KCNH8: variants seen among roughly 807,000 people sequenced by gnomAD.
The protein encoded by KCNH8 is voltage-gated delayed rectifier potassium channel KCNH8.
In KCNH8, 70 loss-of-function variants were observed where a neutral mutation model predicts 103.6. The ratio of observed to expected loss-of-function variants is 0.68; its 90% CI spans 0.56 to 0.82. The LOEUF (loss-of-function observed/expected upper bound fraction) is 0.82, where lower values mean the gene tolerates loss of function less well. KCNH8 is among the 40% of genes least tolerant of loss of function. The probability of loss-of-function intolerance (pLI) is 0.00; values close to 1 mark genes in which losing one functional copy is unlikely to be tolerated. For synonymous variants in KCNH8, 498 were observed against 489.4 expected, an observed-to-expected ratio of 1.02 and a Z score of -0.23; for missense variants, 1,217 against 1,329.9, an observed-to-expected ratio of 0.92 and a Z score of 1.32.
intron 11 of KCNH8, among the ~76,000 whole-genome samples, chr3:19,462,456 T>C (rs536484085): frequency 2.6e-3 from 403 of 152,346 alleles, no homozygotes; most frequent in Admixed American, 7.6e-3. Context: ...GAAGTGTCTG[T>C]TCATATTCTT....
At chr3:19,470,840 C>T (rs2067840779) in intron 11 of KCNH8, among the ~76,000 whole-genome samples, 1 of 152,120 alleles carries the variant, frequency 6.6e-6, no homozygotes, top group Non-Finnish European at 1.5e-5. Context: ...AACCCAATCC[C>T]TTATAAAAAA....
intron 5 of KCNH8, 118 bp downstream of exon 5, chr3:19,348,083 G>C (rs1037501799): frequency 2.1e-5 from 27 of 1,283,312 alleles, no homozygotes; most frequent in African/African-American, 3.0e-5. Context: ...TTCAGCCTCT[G>C]TTGCAAATTT....
intron 3 of KCNH8, among the ~76,000 whole-genome samples, chr3:19,327,338 C>T (rs1223818121): frequency 4.6e-5 from 7 of 152,164 alleles, no homozygotes; most frequent in Non-Finnish European, 1.0e-4. Context: ...GTCACCCAGA[C>T]GAGTGCAGTG....
chr3:19,184,593 G>A (rs887201236), intron 1 of KCNH8, among the ~76,000 whole-genome samples: 4 of 151,840 alleles, frequency 2.6e-5, no homozygotes, highest in South Asian at 2.1e-4. Context: ...TTAAAATGGC[G>A]TTAAATAAAG....
chr3:19,299,409 T>G (rs748470880), intron 3 of KCNH8, among the ~76,000 whole-genome samples: 1 of 151,974 alleles, frequency 6.6e-6, no homozygotes, highest in Non-Finnish European at 1.5e-5. Flanking sequence ...GTGGGAGGAT[T>G]GCTTGAGTCT....
At chr3:19,229,560 C>T (rs2063969695) in intron 1 of KCNH8, among the ~76,000 whole-genome samples, 2 of 152,216 alleles carry the variant, frequency 1.3e-5, no homozygotes, top group South Asian at 4.1e-4. Context: ...CACAGGGCAC[C>T]AAGTCCGTAG....
intron 13 of KCNH8, among the ~76,000 whole-genome samples, chr3:19,514,691 A>G (rs1280150566): frequency 6.6e-6 from 1 of 151,754 alleles, no homozygotes; most frequent in Admixed American, 6.6e-5. Flanking sequence ...TGATTTAAAT[A>G]TAATTATTTA....
intron 1 of KCNH8, among the ~76,000 whole-genome samples, chr3:19,153,116 G>A (rs193111197): frequency 1.3e-5 from 2 of 152,182 alleles, no homozygotes; most frequent in Admixed American, 1.3e-4. Flanking sequence ...TCTTGACTTT[G>A]TAGATGAATT....
intron 3 of KCNH8, among the ~76,000 whole-genome samples, chr3:19,289,813 C>T (rs1231321005): frequency 6.6e-6 from 1 of 152,122 alleles, no homozygotes. Context: ...GTGGATGGCA[C>T]TGAATCTATA....
intron 1 of KCNH8, among the ~76,000 whole-genome samples, chr3:19,191,451 T>A (rs2063552542): frequency 6.6e-6 from 1 of 151,892 alleles, no homozygotes; most frequent in African/African-American, 2.4e-5. Context: ...ATTGTGTAAT[T>A]AGCATAGTTC....
chr3:19,465,517 C>T (rs1313442099), intron 11 of KCNH8, among the ~76,000 whole-genome samples: 5 of 152,066 alleles, frequency 3.3e-5, no homozygotes, highest in African/African-American at 1.2e-4. Context: ...CTCATGCCTG[C>T]TAACACAACA....
At chr3:19,353,064 C>T (rs2065827155) in intron 5 of KCNH8, among the ~76,000 whole-genome samples, 1 of 152,034 alleles carries the variant, frequency 6.6e-6, no homozygotes, top group Non-Finnish European at 1.5e-5. Flanking sequence ...CATCTCCAAT[C>T]CCACAGATAT....
chr3:19,425,294 A>T (rs2067011800), intron 7 of KCNH8, among the ~76,000 whole-genome samples: 2 of 152,040 alleles, frequency 1.3e-5, no homozygotes, highest in Non-Finnish European at 2.9e-5. Flanking sequence ...CTCATCCTGT[A>T]CAGTACAGTT....
At chr3:19,196,681 G>T (rs957694812) in intron 1 of KCNH8, among the ~76,000 whole-genome samples, 1 of 151,878 alleles carries the variant, frequency 6.6e-6, no homozygotes, top group Admixed American at 6.6e-5. Flanking sequence ...TCTCCGCCGT[G>T]GAAGAACCCA....
intron 7 of KCNH8, among the ~76,000 whole-genome samples, chr3:19,436,812 A>C (rs2067206405): frequency 6.6e-6 from 1 of 152,182 alleles, no homozygotes; most frequent in South Asian, 2.1e-4. Flanking sequence ...TTATTAAGGA[A>C]AGTAAATGAT....
chr3:19,150,931 TACAACATTTAGTGA>T (rs961945742), intron 1 of KCNH8, among the ~76,000 whole-genome samples: 4 of 152,118 alleles, frequency 2.6e-5, no homozygotes, highest in Admixed American at 2.6e-4. Flanking sequence ...AGGTTTTGTT[TACAACATTTAGTGA>T]ACACCTCTCC....
intron 1 of KCNH8, among the ~76,000 whole-genome samples, chr3:19,214,026 C>T (rs2047114): frequency 0.039 from 5,902 of 152,230 alleles, 403 homozygotes; most frequent in African/African-American, 0.13. Context: ...TCTACCACCC[C>T]CGCCTGCCCG....
chr3:19,517,674 GTT>G (rs1353267424), intron 14 of KCNH8, among the ~76,000 whole-genome samples: 1 of 151,976 alleles, frequency 6.6e-6, no homozygotes, highest in Non-Finnish European at 1.5e-5. Flanking sequence ...CTATGATACA[GTT>G]TTAAACAATG....
chr3:19,481,562 A>G (rs2068087042), intron 11 of KCNH8, among the ~76,000 whole-genome samples: 1 of 152,182 alleles, frequency 6.6e-6, no homozygotes, highest in South Asian at 2.1e-4. Flanking sequence ...GAACAAGAAA[A>G]TTGGGGTCAA....
Sources: allele counts gnomAD v4.1 joint callset (sites outside exome capture counted in the v4.1 genomes callset), GRCh38; gene constraint gnomAD v4.1.1; transcripts MANE v1.5; gene names NCBI Gene and HGNC (gene_info 2026-07-23, HGNC 2026-07-21).